Variants in GSK3B observed in about 807,000 individuals in gnomAD.
GSK3B encodes the protein glycogen synthase kinase-3 beta.
Under a neutral mutation model 56.4 loss-of-function variants are expected in GSK3B, and 15 were observed. The ratio of observed to expected loss-of-function variants is 0.27; its 90% CI spans 0.18 to 0.41. GSK3B has a LOEUF of 0.41. Among genes scored for constraint, GSK3B ranks in the 10% least tolerant of loss-of-function variants. GSK3B has a pLI of 1.00. For synonymous variants in GSK3B, 181 were observed against 188.9 expected, an observed-to-expected ratio of 0.96 and a Z score of 0.34; for missense variants, 300 against 513.4, an observed-to-expected ratio of 0.58 and a Z score of 4.02.
intron 9 of GSK3B, among the ~76,000 whole-genome samples, chr3:119,862,733 A>G (rs891967387): frequency 2.1e-5 from 3 of 145,856 alleles, no homozygotes; most frequent in African/African-American, 7.7e-5. Flanking sequence ...AGAAAGTCAC[A>G]TCAGCAGAGG....
intron 1 of GSK3B, among the ~76,000 whole-genome samples, chr3:120,040,681 T>C (rs974822518): frequency 6.6e-6 from 1 of 151,936 alleles, no homozygotes; most frequent in African/African-American, 2.4e-5. Context: ...CCCCAATCTC[T>C]TGTTAAAAGA....
chr3:119,831,358 C>T (rs912836759), intron 10 of GSK3B, among the ~76,000 whole-genome samples: 3 of 152,066 alleles, frequency 2.0e-5, no homozygotes, highest in Non-Finnish European at 4.4e-5. Context: ...AGAGACTTTA[C>T]ATTAAAAGAG....
chr3:120,058,727 T>C (rs981264162), intron 1 of GSK3B, among the ~76,000 whole-genome samples: 3 of 152,128 alleles, frequency 2.0e-5, no homozygotes, highest in African/African-American at 7.2e-5. Flanking sequence ...AAGAATAATG[T>C]GGCTAGGCAT....
chr3:120,028,415 C>A (rs201546861), intron 1 of GSK3B, among the ~76,000 whole-genome samples: 2 of 152,294 alleles, frequency 1.3e-5, no homozygotes, highest in East Asian at 3.9e-4. Context: ...CCAGACTATG[C>A]CACTAAGGCC....
intron 8 of GSK3B, 90 bp from the exon 9 acceptor site, chr3:119,863,695 T>C (rs1259313729): frequency 1.8e-5 from 14 of 785,948 alleles, no homozygotes; most frequent in Admixed American, 7.5e-5. Flanking sequence ...ATTCCCACCA[T>C]GTACAGAAAC....
At chr3:119,928,970 T>C (rs2056916736) in intron 3 of GSK3B, among the ~76,000 whole-genome samples, 1 of 152,194 alleles carries the variant, frequency 6.6e-6, no homozygotes, top group East Asian at 1.9e-4. Flanking sequence ...TTTTCATCCT[T>C]AAAAAATTAG....
chr3:119,944,633 G>A (rs976563948), intron 3 of GSK3B, among the ~76,000 whole-genome samples: 4 of 151,880 alleles, frequency 2.6e-5, no homozygotes, highest in East Asian at 1.9e-4. Context: ...ATGGCTACAC[G>A]CCCTCTTTAT....
chr3:119,875,964 G>T (rs948577512), intron 8 of GSK3B, among the ~76,000 whole-genome samples: 7 of 152,002 alleles, frequency 4.6e-5, no homozygotes, highest in Non-Finnish European at 8.8e-5. Flanking sequence ...ATGCCAGTAG[G>T]AAAGTAAACA....
chr3:119,921,314 AAT>A (rs375534276), intron 4 of GSK3B, among the ~76,000 whole-genome samples: 397 of 152,332 alleles, frequency 2.6e-3, no homozygotes, highest in African/African-American at 8.5e-3. Flanking sequence ...CCAGCTTATA[AAT>A]TAAGAAGGAA....
chr3:119,905,304 A>G (rs1258681949), intron 7 of GSK3B, among the ~76,000 whole-genome samples: 2 of 152,038 alleles, frequency 1.3e-5, no homozygotes, highest in Non-Finnish European at 2.9e-5. Flanking sequence ...CCAGACAGGT[A>G]GGCATTCATT....
chr3:120,091,637 G>A (rs1405224750), intron 1 of GSK3B, among the ~76,000 whole-genome samples: 1 of 152,024 alleles, frequency 6.6e-6, no homozygotes, highest in Non-Finnish European at 1.5e-5. Flanking sequence ...AAACACTCCA[G>A]TACCACAAGA....
At chr3:119,999,898 A>C (rs1334207293) in intron 2 of GSK3B, among the ~76,000 whole-genome samples, 1 of 152,246 alleles carries the variant, frequency 6.6e-6, no homozygotes, top group Non-Finnish European at 1.5e-5. Flanking sequence ...TTCTGCGTAC[A>C]CAAGTAAACT....
intron 3 of GSK3B, among the ~76,000 whole-genome samples, chr3:119,943,170 AC>A (rs913426526): frequency 6.7e-4 from 102 of 152,342 alleles, no homozygotes; most frequent in African/African-American, 2.4e-3. Flanking sequence ...AAAGAAGGTT[AC>A]CAAAATAGAC....
At chr3:119,891,798 T>C (rs1222626443) in intron 7 of GSK3B, among the ~76,000 whole-genome samples, 1 of 152,142 alleles carries the variant, frequency 6.6e-6, no homozygotes, top group East Asian at 1.9e-4. Flanking sequence ...ATCACACCAA[T>C]GGGAAGGGAA....
intron 2 of GSK3B, among the ~76,000 whole-genome samples, chr3:120,001,117 G>A (rs991268081): frequency 1.3e-5 from 2 of 148,906 alleles, no homozygotes; most frequent in African/African-American, 5.0e-5. Flanking sequence ...GTAGAGACGG[G>A]GTAGAGCCTG....
Position 119,826,742 on chromosome 3 carries a change from C to A in GSK3B, c.*46G>T. On this transcript the variant is annotated 3_prime_UTR_variant, in exon 11 of 11. Coordinates refer to ENST00000264235, the MANE Select transcript of GSK3B (RefSeq NM_001146156.2). ...GTGACCAGTGTTGCTGAGTGACACTCAAGTAACTGGTGGTTTTTCCTGTGC... is the reference window on the plus strand; with the variant it reads ...GTGACCAGTGTTGCTGAGTGACACTAAAGTAACTGGTGGTTTTTCCTGTGC... 1 of 1,227,874 alleles carries A rather than the reference C, an allele frequency of 8.1e-7. No homozygotes were observed. Among genetic ancestry groups the A allele is most frequent in the Non-Finnish European group, 1.2e-6 (1 of 826,820 alleles). 76.1% of individuals were successfully genotyped at this position (1,227,874 alleles called of 1,614,324 possible). A position where few individuals can be genotyped will look rare whatever the true frequency, so the allele number is the denominator to read the frequency against.
At chr3:120,055,548 T>G (rs929030814) in intron 1 of GSK3B, among the ~76,000 whole-genome samples, 5 of 152,182 alleles carry the variant, frequency 3.3e-5, no homozygotes, top group Non-Finnish European at 5.9e-5. Flanking sequence ...TGAAAAATCT[T>G]TAAGATTTTA....
At chr3:119,871,060 T>C (rs2056244782) in intron 8 of GSK3B, among the ~76,000 whole-genome samples, 1 of 152,212 alleles carries the variant, frequency 6.6e-6, no homozygotes, top group African/African-American at 2.4e-5. Context: ...GTTTACCAAG[T>C]TCTGAAAATT....
Position 119,823,879 on chromosome 3 carries a change from T to C in GSK3B, c.*2909A>G, listed in dbSNP as rs1468091609. 1 of 199,164 alleles carries C rather than the reference T, an allele frequency of 5.0e-6. No homozygotes were observed. The highest frequency in any genetic ancestry group is 6.0e-5 in the Admixed American group (1 of 16,608). The allele number at this position is 199,164 out of a possible 1,614,324, so 12.3% of individuals were successfully genotyped here. A position where few individuals can be genotyped will look rare whatever the true frequency, so the allele number is the denominator to read the frequency against. ...GGGAAAGGGGGTGGACAGGGAGACATGGATAAAGGAAACCAATTAAAATTT... is the reference window on the plus strand; with the variant it reads ...GGGAAAGGGGGTGGACAGGGAGACACGGATAAAGGAAACCAATTAAAATTT... On this transcript the variant is annotated 3_prime_UTR_variant, in exon 11 of 11. Transcript: ENST00000264235.
Sources: gnomAD v4.1 joint callset for allele counts (sites outside exome capture counted in the v4.1 genomes callset) on GRCh38, gnomAD v4.1.1 for gene constraint, MANE v1.5 for transcripts, NCBI Gene and HGNC (gene_info 2026-07-23, HGNC 2026-07-21) for gene names.